Variants in STXBP5L observed in about 807,000 individuals in gnomAD.
The protein encoded by STXBP5L is syntaxin binding protein 5L.
A neutral mutation model predicts 144.5 loss-of-function variants in STXBP5L; 65 were observed. The observed-to-expected ratio is 0.45, with a 90% CI of 0.37 to 0.55. STXBP5L has a LOEUF of 0.55. STXBP5L is among the 20% of genes least tolerant of loss of function. The pLI, the probability that STXBP5L is intolerant of heterozygous loss-of-function variation, is 0.00. For missense variants in STXBP5L, 1,298 were observed against 1,405.5 expected (o/e 0.92, Z 1.22); for synonymous variants, 505 against 469.6 (o/e 1.08, Z -0.97).
intron 20 of STXBP5L, among the ~76,000 whole-genome samples, chr3:121,324,997 T>C (rs1438856117): frequency 6.6e-6 from 1 of 152,054 alleles, no homozygotes; most frequent in Non-Finnish European, 1.5e-5. Context: ...ATATTTTCTA[T>C]CATCAGAAAC....
chr3:121,382,587 T>A (rs2046345197), intron 22 of STXBP5L, among the ~76,000 whole-genome samples: 1 of 152,130 alleles, frequency 6.6e-6, no homozygotes, highest in Non-Finnish European at 1.5e-5. Flanking sequence ...TTATATATAT[T>A]GGACATCTAA....
chr3:121,354,222 G>C (rs200751060), intron 20 of STXBP5L, among the ~76,000 whole-genome samples: 2 of 152,136 alleles, frequency 1.3e-5, no homozygotes, highest in East Asian at 1.9e-4. Context: ...CTGAGTTCAA[G>C]TCCTGGATAT....
rs57288480 is a variant in STXBP5L, at chr3:121,367,595, G to GTTTTT, written c.2177-11098_2177-11094dup. 1.2e-4 allele frequency among the ~76,000 whole-genome samples: 6 copies of GTTTTT among 51,360 alleles called. 1 individual carries two copies. The highest frequency in any genetic ancestry group is 4.7e-4 in the African/African-American group (6 of 12,802). 33.7% of individuals were successfully genotyped at this position (51,360 alleles called of 152,430 possible). The stretch of plus-strand genomic sequence containing the variant: ...GGTTCTCTCTTTGTCTTCGACTCTT[G>GTTTTT]TTTTTTTTTTTTTTTTTTTTTTTTT... On this transcript the variant is annotated intron_variant, in intron 20 of 26. Transcript: ENST00000471454.
At chr3:121,358,229 C>T (rs73183155) in intron 20 of STXBP5L, among the ~76,000 whole-genome samples, 37,293 of 151,942 alleles carry the variant, frequency 0.25, 4,702 homozygotes, top group Admixed American at 0.35. Context: ...ATTTTTTCTA[C>T]CCATTAACCA....
At chr3:121,350,451 C>T (rs573283270) in intron 20 of STXBP5L, among the ~76,000 whole-genome samples, 1 of 152,208 alleles carries the variant, frequency 6.6e-6, no homozygotes, top group Admixed American at 6.5e-5. Flanking sequence ...AGTTGCTCTT[C>T]TCGAGGAGTA....
intron 5 of STXBP5L, among the ~76,000 whole-genome samples, chr3:121,100,402 C>G (rs1279266519): frequency 6.6e-6 from 1 of 152,088 alleles, no homozygotes; most frequent in Non-Finnish European, 1.5e-5. Flanking sequence ...CAAACATACT[C>G]TCAGAAAACA....
chr3:120,970,994 AT>A (rs1470298357), intron 3 of STXBP5L, among the ~76,000 whole-genome samples: 1 of 152,128 alleles, frequency 6.6e-6, no homozygotes, highest in Non-Finnish European at 1.5e-5. Context: ...TGAGCACCAA[AT>A]GTTAGACATT....
At chr3:121,384,009 G>A (rs2046373231) in intron 22 of STXBP5L, among the ~76,000 whole-genome samples, 1 of 152,066 alleles carries the variant, frequency 6.6e-6, no homozygotes, top group Non-Finnish European at 1.5e-5. Flanking sequence ...CTGTGAGAAC[G>A]TTGTTAAATA....
chr3:121,045,464 T>C lies in STXBP5L; in HGVS notation c.399T>C (p.Asp133=). 6.2e-7 allele frequency: 1 copy of C among 1,613,328 alleles called. No homozygotes were observed. Among genetic ancestry groups the C allele is most frequent in the Non-Finnish European group, 8.5e-7 (1 of 1,179,520 alleles). Residue 133 remains aspartate (D), a synonymous_variant, in exon 5 of 27, where the codon GAT becomes GAC. Transcript: ENST00000471454. ...CCTTGGTCAGTGCAAGTTCAGATGA[T>C]ACACTTCATTTGTGGAACCTTAGAC... ...EGALVSASSD[D]TLHLWNLRQK...
chr3:121,063,216 G>A (rs1433760818), intron 5 of STXBP5L, among the ~76,000 whole-genome samples: 3 of 152,164 alleles, frequency 2.0e-5, no homozygotes, highest in Non-Finnish European at 2.9e-5. Context: ...TTTTGTTGAT[G>A]TTGATACTAT....
chr3:121,254,895 T>G lies in STXBP5L; in HGVS notation c.1442T>G (p.Ile481Arg), dbSNP rs1437379665. The G allele has an allele frequency of 6.2e-7, 1 of 1,605,684 alleles. No individual in the cohort carries two copies. Among genetic ancestry groups the G allele is most frequent in the East Asian group, 2.2e-5 (1 of 44,708 alleles). The change falls in exon 16 of 27, where the codon ATA (isoleucine) becomes AGA (arginine). Residue 481 changes from isoleucine (I) to arginine (R), a missense_variant and splice_region_variant. Physicochemically the swap from Ile to Arg is moderately conservative, Grantham distance 97. Coordinates refer to ENST00000471454, the MANE Select transcript of STXBP5L (RefSeq NM_001308330.2). ...ATAACTGTGCTTCGATGTCTTATAGTAACTCTGCAGATGCTGTACAAGCTA... is the reference window on the plus strand; with the variant it reads ...ATAACTGTGCTTCGATGTCTTATAGGAACTCTGCAGATGCTGTACAAGCTA... ...GSIKFWDASA[I>R]TLQMLYKLKT...
At chr3:121,007,720 C>G (rs1944449821) in intron 3 of STXBP5L, among the ~76,000 whole-genome samples, 1 of 151,910 alleles carries the variant, frequency 6.6e-6, no homozygotes, top group Admixed American at 6.6e-5. Context: ...TTAGAGAAAG[C>G]CTTTAACTGC....
intron 3 of STXBP5L, among the ~76,000 whole-genome samples, chr3:121,036,260 G>T (rs1946745346): frequency 6.6e-6 from 1 of 152,116 alleles, no homozygotes; most frequent in African/African-American, 2.4e-5. Context: ...TTGAACCCAG[G>T]AGGCAGAGGT....
chr3:121,094,978 A>T (rs1383425878), intron 5 of STXBP5L, among the ~76,000 whole-genome samples: 1 of 151,588 alleles, frequency 6.6e-6, no homozygotes, highest in Admixed American at 6.6e-5. Context: ...GTGGTGACAA[A>T]ATCTCTCAGC....
intron 18 of STXBP5L, among the ~76,000 whole-genome samples, chr3:121,270,716 G>A (rs2050710736): frequency 1.3e-5 from 2 of 152,056 alleles, no homozygotes; most frequent in African/African-American, 2.4e-5. Flanking sequence ...GCCTCCCAAA[G>A]TGCTGAGATT....
At chr3:121,068,793 A>G (rs908042147) in intron 5 of STXBP5L, among the ~76,000 whole-genome samples, 6 of 151,990 alleles carry the variant, frequency 3.9e-5, no homozygotes, top group African/African-American at 1.4e-4. Flanking sequence ...TACTATGTCT[A>G]CTTGCATTCT....
chr3:121,166,978 T>G (rs1022816701), intron 9 of STXBP5L, among the ~76,000 whole-genome samples: 1 of 52,760 alleles, frequency 1.9e-5, no homozygotes, highest in African/African-American at 7.8e-5. Flanking sequence ...TATATCAAAA[T>G]AAAACTGTTC....
At chr3:121,105,092 C>T (rs1160897398) in intron 5 of STXBP5L, among the ~76,000 whole-genome samples, 1 of 151,972 alleles carries the variant, frequency 6.6e-6, no homozygotes, top group East Asian at 1.9e-4. Flanking sequence ...CATGAATAGA[C>T]AGTTCTCAAA....
At chr3:121,022,543 T>C (rs1312635988) in intron 3 of STXBP5L, among the ~76,000 whole-genome samples, 1 of 152,102 alleles carries the variant, frequency 6.6e-6, no homozygotes, top group African/African-American at 2.4e-5. Flanking sequence ...CAAGACCATA[T>C]TAAAAATATA....
Sources: allele counts gnomAD v4.1 joint callset (sites outside exome capture counted in the v4.1 genomes callset), GRCh38; gene constraint gnomAD v4.1.1; transcripts MANE v1.5; gene names NCBI Gene and HGNC (gene_info 2026-07-23, HGNC 2026-07-21).